UGT1A8: variants seen among roughly 807,000 people sequenced by gnomAD.
UGT1A8 encodes the protein UDP-glucuronosyltransferase 1A8.
In UGT1A8, 39 loss-of-function variants were observed where a neutral mutation model predicts 45.3. The ratio of observed to expected loss-of-function variants is 0.86; its 90% CI spans 0.67 to 1.12. The LOEUF is 1.12. Among genes scored for constraint, UGT1A8 ranks in the 50% most tolerant of loss-of-function variants. The pLI is 0.00. For missense variants in UGT1A8, 719 were observed against 664.9 expected (o/e 1.08, Z -0.90); for synonymous variants, 275 against 249.2 (o/e 1.10, Z -0.97).
At chr2:233,696,988 G>T (rs914918936) in intron 1 of UGT1A8, among the ~76,000 whole-genome samples, 5 of 152,034 alleles carry the variant, frequency 3.3e-5, no homozygotes, top group Non-Finnish European at 1.5e-5. Context: ...CTGGTGTTTC[G>T]TTGAGATTTT....
intron 1 of UGT1A8, among the ~76,000 whole-genome samples, chr2:233,730,578 C>A (rs757044136): frequency 1.3e-5 from 2 of 152,094 alleles, no homozygotes; most frequent in Non-Finnish European, 2.9e-5. Context: ...AGTTCAGTTT[C>A]CAGACAGGGA....
At chr2:233,719,592 C>T (rs201293328) in intron 1 of UGT1A8, 161 of 1,613,882 alleles carry the variant, frequency 1.0e-4, no homozygotes, top group Non-Finnish European at 1.2e-4. Flanking sequence ...GTGGCTGTTC[C>T]GAGGGGACTT....
chr2:233,741,224 C>T lies in UGT1A8; in HGVS notation c.856-25810C>T, dbSNP rs565131356. ...AAAACTAGCCAGAGTTGTTACAGAC[C>T]CACTACCTCTGAGTGACACTGGTAT... On this transcript the variant is annotated intron_variant, in intron 1 of 4. Transcript: ENST00000373450. Among the ~76,000 whole-genome samples, 4 of 151,908 alleles carry T rather than the reference C, an allele frequency of 2.6e-5. No individual in the cohort carries two copies. The South Asian group carries it at 8.3e-4, about 32-fold the overall frequency.
Position 233,640,861 on chromosome 2 carries a change from G to A in UGT1A8, c.855+22299G>A, listed in dbSNP as rs1275107720. 3.3e-5 allele frequency among the ~76,000 whole-genome samples: 5 copies of A among 152,124 alleles called. No individual in the cohort carries two copies. The East Asian group carries it at 9.6e-4, about 29-fold the overall frequency. On this transcript the variant is annotated intron_variant, in intron 1 of 4. Coordinates refer to ENST00000373450, the MANE Select transcript of UGT1A8 (RefSeq NM_019076.5). ...ATTGTTGCTATGTCAGGGGGGAAAT[G>A]TGGAGCCCTAATTAGGGAAAAAGAG...
intron 1 of UGT1A8, chr2:233,713,887 T>G (rs1373894337): frequency 1.9e-6 from 3 of 1,613,356 alleles, no homozygotes; most frequent in Non-Finnish European, 2.5e-6. Context: ...ATCCAATCAA[T>G]GTTCCAGGCA....
Position 233,772,271 on chromosome 2 carries a change from G to A in UGT1A8, c.1305G>A (p.Glu435=). The A allele has an allele frequency of 6.2e-7, 1 of 1,614,244 alleles. No individual in the cohort carries two copies. Among genetic ancestry groups the A allele is most frequent in the Non-Finnish European group, 8.5e-7 (1 of 1,180,050 alleles). Residue 435 remains glutamate, a synonymous_variant, in exon 5 of 5, where the codon GAG becomes GAA. Transcript: ENST00000373450. The stretch of plus-strand genomic sequence containing the variant: ...CTGTCTTTGTGTTTAGTTACAAGGA[G>A]AACATCATGCGCCTCTCCAGCCTTC... ...KAVINDKSYK[E]NIMRLSSLHK...
intron 1 of UGT1A8, among the ~76,000 whole-genome samples, chr2:233,657,498 G>T (rs2073881702): frequency 6.6e-6 from 1 of 152,136 alleles, no homozygotes; most frequent in Non-Finnish European, 1.5e-5. Flanking sequence ...ATCAGTTCTT[G>T]CAGGAGCAAT....
At chr2:233,731,557 A>C (rs2078177814) in intron 1 of UGT1A8, among the ~76,000 whole-genome samples, 1 of 152,126 alleles carries the variant, frequency 6.6e-6, no homozygotes, top group Non-Finnish European at 1.5e-5. Context: ...TCCATGTGAT[A>C]GTTTGCTGAG....
chr2:233,725,192 A>G lies in UGT1A8; in HGVS notation c.856-41842A>G, dbSNP rs1239126007. On this transcript the variant is annotated intron_variant, in intron 1 of 4. Coordinates refer to ENST00000373450, the MANE Select transcript of UGT1A8 (RefSeq NM_019076.5). ...GGAGACCGTGGGGAGAGGCAGAGGC[A>G]GAGGCAGAGGCAGAGGCAGAGGCAG... is the stretch of plus-strand genomic sequence containing the variant. Among the ~76,000 whole-genome samples, 60 of 84,600 alleles carry G rather than the reference A, an allele frequency of 7.1e-4. 1 individual carries two copies. The highest frequency in any genetic ancestry group is 0.011 in the Middle Eastern group (2 of 180). The allele number at this position is 84,600 out of a possible 152,430, so 55.5% of individuals were successfully genotyped here.
Position 233,739,559 on chromosome 2 carries a change from G to A in UGT1A8, c.856-27475G>A, listed in dbSNP as rs1322307786. On this transcript the variant is annotated intron_variant, in intron 1 of 4. Coordinates refer to ENST00000373450, the MANE Select transcript of UGT1A8 (RefSeq NM_019076.5). ...TTTGGAGCTTTAAGATTTAATGACTGCCCTGCCTGGTTTTGGACTTGCATG... is the reference window on the plus strand; with the variant it reads ...TTTGGAGCTTTAAGATTTAATGACTACCCTGCCTGGTTTTGGACTTGCATG... 2.6e-5 allele frequency among the ~76,000 whole-genome samples: 4 copies of A among 152,224 alleles called. No homozygotes were observed. In the South Asian group the frequency reaches 8.3e-4, roughly 31 times the overall value.
intron 1 of UGT1A8, among the ~76,000 whole-genome samples, chr2:233,667,556 T>C (rs1255668506): frequency 3.3e-5 from 5 of 152,152 alleles, no homozygotes; most frequent in Non-Finnish European, 7.3e-5. Flanking sequence ...CTAAAGAGCT[T>C]CTGCACAGCA....
intron 1 of UGT1A8, among the ~76,000 whole-genome samples, chr2:233,763,394 A>G (rs567930530): frequency 6.6e-6 from 1 of 152,328 alleles, no homozygotes; most frequent in South Asian, 2.1e-4. Context: ...TTTAAACAAC[A>G]TGGCACTGGT....
rs200734586 is a variant in UGT1A8 at position 233,760,641 on chromosome 2, G to T, written c.856-6393G>T. ...TCAAAACATACAAGAAAATAAAAAA[G>T]GACTCTGCTATGCTTTTGTCTGGCT... On this transcript the variant is annotated intron_variant, in intron 1 of 4. Transcript: ENST00000373450. The T allele has an allele frequency of 1.5e-4, 243 of 1,614,044 alleles. No individual in the cohort carries two copies. The highest frequency in any genetic ancestry group is 2.0e-4 in the Non-Finnish European group (236 of 1,180,030).
In UGT1A8 at chr2:233,681,186, C is replaced by T. The variant is rs45574033; in HGVS notation, c.855+62624C>T. The stretch of plus-strand genomic sequence containing the variant: ...CAACGCTAAGACCCTTGCTCTCTTT[C>T]CGTCGAACATGAGATGCCAATTTCT... On this transcript the variant is annotated intron_variant, in intron 1 of 4. Transcript: ENST00000373450. 1.6e-3 allele frequency among the ~76,000 whole-genome samples: 241 copies of T among 151,954 alleles called. 1 individual carries two copies. Among genetic ancestry groups the T allele is most frequent in the Middle Eastern group, 3.4e-3 (1 of 294 alleles).
At chr2:233,651,603 C>A (rs573744905) in intron 1 of UGT1A8, among the ~76,000 whole-genome samples, 52 of 152,212 alleles carry the variant, frequency 3.4e-4, no homozygotes, top group Admixed American at 7.8e-4. Flanking sequence ...TACAACATAC[C>A]TACAAAAGTG....
At chr2:233,749,694 G>A (rs1268500408) in intron 1 of UGT1A8, among the ~76,000 whole-genome samples, 1 of 151,848 alleles carries the variant, frequency 6.6e-6, no homozygotes, top group Non-Finnish European at 1.5e-5. Flanking sequence ...AGGATCTGGT[G>A]GGAGGTGATT....
rs369934422 is a variant in UGT1A8, at chr2:233,640,147, C to T, written c.855+21585C>T. Among the ~76,000 whole-genome samples the T allele has an allele frequency of 1.4e-4, 21 of 152,292 alleles. No individual in the cohort carries two copies. In the South Asian group the frequency reaches 2.3e-3, roughly 17 times the overall value. ...AAATTCAAAGTTAACTTTTGGTTGA[C>T]AAGACTAAGGCCTCCCACTAAAATT... On this transcript the variant is annotated intron_variant, in intron 1 of 4. Coordinates refer to ENST00000373450, the MANE Select transcript of UGT1A8 (RefSeq NM_019076.5).
chr2:233,643,709 G>A (rs1314526061), intron 1 of UGT1A8, among the ~76,000 whole-genome samples: 2 of 152,182 alleles, frequency 1.3e-5, no homozygotes, highest in African/African-American at 2.4e-5. Context: ...CCTTGACGTA[G>A]TACGAGGTTT....
At position 233,760,569 on chromosome 2, in the gene UGT1A8, T is replaced by C. The variant is rs146052898; in HGVS notation, c.856-6465T>C. On this transcript the variant is annotated intron_variant, in intron 1 of 4. Transcript: ENST00000373450. ...AGGATGTGAAAGAGTCTTTTGTTAGTCTCGGGCATAATGTTTTTGAGAATG... is the reference window on the plus strand; with the variant it reads ...AGGATGTGAAAGAGTCTTTTGTTAGCCTCGGGCATAATGTTTTTGAGAATG... 389 of 1,614,128 alleles carry C rather than the reference T, an allele frequency of 2.4e-4. No homozygotes were observed. The highest frequency in any genetic ancestry group is 3.1e-4 in the Non-Finnish European group (360 of 1,180,054).
Sources: allele counts gnomAD v4.1 joint callset (sites outside exome capture counted in the v4.1 genomes callset), GRCh38; gene constraint gnomAD v4.1.1; transcripts MANE v1.5; gene names NCBI Gene and HGNC (gene_info 2026-07-23, HGNC 2026-07-21).